Variants in ACADSB observed in about 807,000 individuals in gnomAD.
ACADSB encodes short/branched chain specific acyl-CoA dehydrogenase, mitochondrial.
Under a neutral mutation model 54.1 loss-of-function variants are expected in ACADSB, and 40 were observed. The observed-to-expected ratio is 0.74, with a 90% CI of 0.57 to 0.96. The LOEUF is 0.96. ACADSB is among the 40% of genes least tolerant of loss of function. The pLI is 0.00. For missense variants in ACADSB, 530 were observed against 510.4 expected (o/e 1.04, Z -0.37); for synonymous variants, 182 against 182.8 (o/e 1.00, Z 0.03).
chr10:123,014,828 G>A (rs1850091043), intron 1 of ACADSB, among the ~76,000 whole-genome samples: 1 of 152,226 alleles, frequency 6.6e-6, no homozygotes, highest in Non-Finnish European at 1.5e-5. Context: ...TCCAGGGCAA[G>A]GAAATGTGCA....
At chr10:123,045,171 A>ATTTTTT (rs1181095508) in intron 7 of ACADSB, among the ~76,000 whole-genome samples, 5 of 15,364 alleles carry the variant, frequency 3.3e-4, no homozygotes, top group African/African-American at 1.1e-3. Context: ...ATATATATAT[A>ATTTTTT]TTTTTTTTTT....
In ACADSB at chr10:123,039,198, C is replaced by T. The variant is rs143531221; in HGVS notation, c.304-1268C>T. 2.6e-3 allele frequency among the ~76,000 whole-genome samples: 389 copies of T among 152,276 alleles called. 1 individual carries two copies. The highest frequency in any genetic ancestry group is 8.5e-3 in the African/African-American group (354 of 41,542). Reference sequence around the variant, plus strand: ...GTTCGAGTCATTGTAATGAGGTTTCCGGAGTGCCCTCCTCAGTTCTCAGGC... The same window carrying T: ...GTTCGAGTCATTGTAATGAGGTTTCTGGAGTGCCCTCCTCAGTTCTCAGGC... On this transcript the variant is annotated intron_variant, in intron 3 of 10. Transcript: ENST00000358776.
rs1232240678 is a variant in ACADSB, at chr10:123,056,372, C to G, written c.*2607C>G. 4.5e-6 allele frequency: 1 copy of G among 221,772 alleles called. No individual in the cohort carries two copies. The highest frequency in any genetic ancestry group is 8.9e-6 in the Non-Finnish European group (1 of 112,264). The allele number at this position is 221,772 out of a possible 1,614,324, so 13.7% of individuals were successfully genotyped here. A position where few individuals can be genotyped will look rare whatever the true frequency, so the allele number is the denominator to read the frequency against. On this transcript the variant is annotated 3_prime_UTR_variant, in exon 11 of 11. Transcript: ENST00000358776. The stretch of plus-strand genomic sequence containing the variant: ...GCAAAAGTGGAAACCCCTGATAAAC[C>G]CATCAGATCTCATGAGACTTACTAT...
chr10:123,033,081 G>C (rs1209004025), intron 1 of ACADSB, among the ~76,000 whole-genome samples: 2 of 151,954 alleles, frequency 1.3e-5, no homozygotes, highest in Non-Finnish European at 2.9e-5. Context: ...AATACCTTAT[G>C]TCCCCTTTGT....
At chr10:123,022,544 C>A (rs1463122937) in intron 1 of ACADSB, among the ~76,000 whole-genome samples, 2 of 152,196 alleles carry the variant, frequency 1.3e-5, no homozygotes, top group African/African-American at 4.8e-5. Flanking sequence ...AAGTACCGCA[C>A]GTGGTTATAA....
At chr10:123,014,708 A>G (rs1459249399) in intron 1 of ACADSB, among the ~76,000 whole-genome samples, 2 of 152,258 alleles carry the variant, frequency 1.3e-5, no homozygotes, top group East Asian at 3.8e-4. Context: ...AGAAGATAGC[A>G]TGTTGCTAAT....
chr10:123,022,043 GA>G (rs141546719), intron 1 of ACADSB, among the ~76,000 whole-genome samples: 3 of 151,974 alleles, frequency 2.0e-5, no homozygotes, highest in South Asian at 2.1e-4. Flanking sequence ...TTCAAGAAGA[GA>G]AAAAAAATAC....
chr10:123,037,780 T>C lies in ACADSB; in HGVS notation c.236T>C (p.Leu79Ser), dbSNP rs1387640439. The change falls in exon 3 of 11, where the codon TTG becomes TCG. Residue 79 changes from leucine to serine, a missense_variant. Coordinates refer to ENST00000358776, the MANE Select transcript of ACADSB (RefSeq NM_001609.4). ...KKFAQEQIAPLVSTMDENSKM... is the reference protein window; with the variant it reads ...KKFAQEQIAPSVSTMDENSKM... The stretch of plus-strand genomic sequence containing the variant: ...TTTGCTCAGGAACAAATTGCACCTT[T>C]GGTTTCAACCATGGATGAAAATTCG... 6.2e-7 allele frequency: 1 copy of C among 1,612,498 alleles called. No homozygotes were observed. Among genetic ancestry groups the C allele is most frequent in the South Asian group, 1.1e-5 (1 of 91,054 alleles).
intron 2 of ACADSB, among the ~76,000 whole-genome samples, chr10:123,034,813 C>G (rs57213927): frequency 6.6e-5 from 10 of 152,214 alleles, no homozygotes. Flanking sequence ...AGTGAAGACT[C>G]TCCCACCCAT....
intron 3 of ACADSB, 89 bp downstream of exon 3, chr10:123,037,936 C>T (rs1256283984): frequency 1.0e-6 from 1 of 962,002 alleles, no homozygotes; most frequent in African/African-American, 1.6e-5. Flanking sequence ...ATTTCCCAGT[C>T]AAAATTATCT....
chr10:123,046,736 C>T (rs1041036625), intron 7 of ACADSB, among the ~76,000 whole-genome samples: 1 of 152,138 alleles, frequency 6.6e-6, no homozygotes, highest in East Asian at 1.9e-4. Flanking sequence ...CTCATTAATC[C>T]TAATCATATA....
At chr10:123,026,935 G>A (rs1850262575) in intron 1 of ACADSB, among the ~76,000 whole-genome samples, 1 of 152,114 alleles carries the variant, frequency 6.6e-6, no homozygotes, top group Non-Finnish European at 1.5e-5. Context: ...TGTGATAACA[G>A]AGCTTTTTTG....
intron 3 of ACADSB, among the ~76,000 whole-genome samples, chr10:123,039,058 A>G (rs189546024): frequency 6.6e-6 from 1 of 152,314 alleles, no homozygotes; most frequent in Non-Finnish European, 1.5e-5. Flanking sequence ...ATGCAGCCTC[A>G]CCTGCCTCCT....
intron 3 of ACADSB, 127 bp downstream of exon 3, chr10:123,037,974 T>G (rs1244359356): frequency 2.8e-6 from 2 of 725,292 alleles, no homozygotes; most frequent in African/African-American, 1.8e-5. Context: ...GAAATCCTAC[T>G]TGATATTTAT....
intron 1 of ACADSB, among the ~76,000 whole-genome samples, chr10:123,021,748 GCA>G (rs1225579668): frequency 6.6e-6 from 1 of 152,224 alleles, no homozygotes; most frequent in African/African-American, 2.4e-5. Context: ...AGGAAAACAT[GCA>G]GTTTCTATGA....
intron 1 of ACADSB, among the ~76,000 whole-genome samples, chr10:123,022,684 C>T (rs929235726): frequency 6.6e-5 from 10 of 151,838 alleles, no homozygotes; most frequent in African/African-American, 2.2e-4. Flanking sequence ...TGTGTTAATT[C>T]GAATTCTTAT....
At chr10:123,023,102 A>T (rs1850205153) in intron 1 of ACADSB, among the ~76,000 whole-genome samples, 1 of 152,216 alleles carries the variant, frequency 6.6e-6, no homozygotes, top group Non-Finnish European at 1.5e-5. Flanking sequence ...CCGATAACTC[A>T]GAAGACTTGG....
At chr10:123,041,170 A>G in intron 4 of ACADSB, 39 bp from the exon 5 acceptor site, 3 of 1,598,344 alleles carry the variant, frequency 1.9e-6, no homozygotes, top group Non-Finnish European at 2.6e-6. Flanking sequence ...GAGTATAAAT[A>G]CAGTTATTAA....
At chr10:123,022,834 A>C (rs1850199848) in intron 1 of ACADSB, among the ~76,000 whole-genome samples, 1 of 152,232 alleles carries the variant, frequency 6.6e-6, no homozygotes, top group African/African-American at 2.4e-5. Context: ...CCCATATCAC[A>C]ACCCTTTCTT....
Sources: gnomAD v4.1 joint callset for allele counts (sites outside exome capture counted in the v4.1 genomes callset) on GRCh38, gnomAD v4.1.1 for gene constraint, MANE v1.5 for transcripts, NCBI Gene and HGNC (gene_info 2026-07-23, HGNC 2026-07-21) for gene names.